Variants in ZNF385D observed in about 807,000 individuals in gnomAD.
The protein encoded by ZNF385D is zinc finger protein 659.
A neutral mutation model predicts 35.8 loss-of-function variants in ZNF385D; 15 were observed. That is an observed-to-expected ratio of 0.42 (90% confidence interval 0.28 to 0.64). The LOEUF (loss-of-function observed/expected upper bound fraction) is 0.64. ZNF385D is among the 30% of genes least tolerant of loss of function. The pLI, the probability that ZNF385D is intolerant of heterozygous loss-of-function variation, is 0.23. For missense variants in ZNF385D, 474 were observed against 494.6 expected, an observed-to-expected ratio of 0.96 and a Z score of 0.39; for synonymous variants, 212 against 186.8, an observed-to-expected ratio of 1.13 and a Z score of -1.10.
intron 3 of ZNF385D, among the ~76,000 whole-genome samples, chr3:21,800,636 A>G (rs2072354002): frequency 6.6e-6 from 1 of 152,120 alleles, no homozygotes; most frequent in Non-Finnish European, 1.5e-5. Flanking sequence ...TTAAAAAACA[A>G]TTTATTTCCA....
At chr3:21,579,134 C>G (rs1045061206) in intron 2 of ZNF385D, 1 of 152,092 alleles carries the variant, frequency 6.6e-6, no homozygotes, top group Non-Finnish European at 1.5e-5. Flanking sequence ...TCAGGTTTCT[C>G]GATGTTTATG....
At position 22,306,328 on chromosome 3, in the gene ZNF385D, T is replaced by C. The variant is rs373135265; in HGVS notation, c.106+66122A>G. Among the ~76,000 whole-genome samples the C allele has an allele frequency of 1.8e-4, 28 of 151,828 alleles. 1 individual carries two copies. In the East Asian group the frequency reaches 2.7e-3, roughly 15 times the overall value. On this transcript the variant is annotated intron_variant, in intron 2 of 5. Coordinates refer to the ZNF385D transcript ENST00000494108. ...ATAGGGTAAACCTTTCTCTGTCTTG[T>C]GGTTAAAAAAAGTCTTTTTTTTTTC... is the stretch of plus-strand genomic sequence containing the variant.
chr3:21,569,796 A>G (rs911436848), intron 2 of ZNF385D, among the ~76,000 whole-genome samples: 2 of 150,746 alleles, frequency 1.3e-5, no homozygotes, highest in African/African-American at 2.4e-5. Flanking sequence ...TTCTCAGTAA[A>G]CTATCGCAAG....
chr3:21,424,599 C>T (rs974506480), intron 6 of ZNF385D, among the ~76,000 whole-genome samples: 2 of 150,980 alleles, frequency 1.3e-5, no homozygotes, highest in Non-Finnish European at 2.9e-5. Context: ...AGGCGTGAGC[C>T]ACTGCGCCCA....
intron 2 of ZNF385D, among the ~76,000 whole-genome samples, chr3:21,664,683 A>G (rs951023867): frequency 6.6e-6 from 1 of 152,190 alleles, no homozygotes; most frequent in African/African-American, 2.4e-5. Flanking sequence ...AATCGGATCG[A>G]ATCTCTTTTT....
chr3:22,091,570 T>C (rs1011327078), intron 3 of ZNF385D, among the ~76,000 whole-genome samples: 7 of 147,152 alleles, frequency 4.8e-5, no homozygotes, highest in South Asian at 2.2e-4. Context: ...GCCAGAGTTA[T>C]TGTTTTATCT....
Position 21,516,885 on chromosome 3 carries a change from G to C in ZNF385D, c.277-5862C>G, listed in dbSNP as rs79502660. Among the ~76,000 whole-genome samples the C allele has an allele frequency of 1.2e-3, 187 of 151,842 alleles. 1 individual carries two copies. The East Asian group carries it at 0.034, about 28-fold the overall frequency. ...AATGTAACACCAGAAAAGAAAAAATGAATGGTTATTAGAGATGTCACCATC... is the reference window on the plus strand; with the variant it reads ...AATGTAACACCAGAAAAGAAAAAATCAATGGTTATTAGAGATGTCACCATC... On this transcript the variant is annotated intron_variant, in intron 3 of 7. Transcript: ENST00000281523.
intron 3 of ZNF385D, among the ~76,000 whole-genome samples, chr3:21,516,366 C>A (rs1335945469): frequency 6.6e-6 from 1 of 152,074 alleles, no homozygotes; most frequent in Non-Finnish European, 1.5e-5. Flanking sequence ...GTATAAAGAC[C>A]ATTTTGAGCT....
At chr3:21,716,001 T>C (rs1356016727) in intron 1 of ZNF385D, among the ~76,000 whole-genome samples, 1 of 152,164 alleles carries the variant, frequency 6.6e-6, no homozygotes, top group Non-Finnish European at 1.5e-5. Flanking sequence ...TTCATCTATC[T>C]AGTTATTCAA....
At chr3:21,741,268 A>G (rs1483622339) in intron 1 of ZNF385D, among the ~76,000 whole-genome samples, 2 of 152,208 alleles carry the variant, frequency 1.3e-5, no homozygotes, top group Non-Finnish European at 2.9e-5. Flanking sequence ...GGTGCCATAA[A>G]CGAAGTGATT....
intron 4 of ZNF385D, among the ~76,000 whole-genome samples, chr3:21,464,282 G>A (rs1575192952): frequency 6.6e-6 from 1 of 152,192 alleles, no homozygotes; most frequent in Non-Finnish European, 1.5e-5. Flanking sequence ...AATATGTAAT[G>A]TTATATTCTC....
In ZNF385D at chr3:21,429,200, A is replaced by T. The variant is rs548605213; in HGVS notation, c.674-3530T>A. ...ATTTATTAGGTCACAAGATAAATTTAAAAAAAATTTTAAGGAAAAAACCCC... is the reference window on the plus strand; with the variant it reads ...ATTTATTAGGTCACAAGATAAATTTTAAAAAAATTTTAAGGAAAAAACCCC... On this transcript the variant is annotated intron_variant, in intron 5 of 7. Coordinates refer to ENST00000281523, the MANE Select transcript of ZNF385D (RefSeq NM_024697.3). Among the ~76,000 whole-genome samples, 55 of 151,816 alleles carry T rather than the reference A, an allele frequency of 3.6e-4. 1 individual carries two copies. The highest frequency in any genetic ancestry group is 1.0e-3 in the African/African-American group (43 of 41,466).
At chr3:22,368,234 C>G (rs924841624) in intron 2 of ZNF385D, among the ~76,000 whole-genome samples, 4 of 152,124 alleles carry the variant, frequency 2.6e-5, no homozygotes, top group Admixed American at 6.5e-5. Context: ...AAACTGTGTT[C>G]TAGTATACTC....
chr3:21,422,121 A>G (rs1040987124), intron 7 of ZNF385D, among the ~76,000 whole-genome samples: 2 of 152,148 alleles, frequency 1.3e-5, no homozygotes, highest in African/African-American at 4.8e-5. Flanking sequence ...GAATGTTCCC[A>G]TTTGTGGAGT....
At chr3:21,737,618 T>A (rs1476543266) in intron 1 of ZNF385D, among the ~76,000 whole-genome samples, 1 of 152,200 alleles carries the variant, frequency 6.6e-6, no homozygotes, top group Non-Finnish European at 1.5e-5. Flanking sequence ...GTTTTCACTA[T>A]TTATACTTTT....
At chr3:21,966,353 C>A (rs915759519) in intron 3 of ZNF385D, among the ~76,000 whole-genome samples, 1 of 152,168 alleles carries the variant, frequency 6.6e-6, no homozygotes, top group African/African-American at 2.4e-5. Context: ...AGCTAAGGAA[C>A]TAACTTCACC....
In ZNF385D at chr3:21,737,810, C is replaced by T. The variant is rs1050012225; in HGVS notation, c.22+13085G>A. Among the ~76,000 whole-genome samples the T allele has an allele frequency of 1.2e-4, 19 of 152,170 alleles. No homozygotes were observed. In the East Asian group the frequency reaches 2.3e-3, roughly 19 times the overall value. The stretch of plus-strand genomic sequence containing the variant: ...CACATGTGGCACATTGCCTGATGTG[C>T]CCAGGAAGAAGAGAGCAAGAAAGAA... On this transcript the variant is annotated intron_variant, in intron 1 of 7. Coordinates refer to ENST00000281523, the MANE Select transcript of ZNF385D (RefSeq NM_024697.3).
intron 3 of ZNF385D, among the ~76,000 whole-genome samples, chr3:21,997,145 A>C: frequency 6.6e-6 from 1 of 152,200 alleles, no homozygotes; most frequent in African/African-American, 2.4e-5. Flanking sequence ...TGGCACATAT[A>C]AACCATGGAA....
Position 22,072,372 on chromosome 3 carries a change from T to C in ZNF385D, c.325+96445A>G, listed in dbSNP as rs142684055. 9.6e-3 allele frequency among the ~76,000 whole-genome samples: 1,454 copies of C among 152,174 alleles called. 26 individuals are homozygous for C. The highest frequency in any genetic ancestry group is 0.031 in the African/African-American group (1,305 of 41,536). On this transcript the variant is annotated intron_variant, in intron 3 of 5. Transcript: ENST00000494108. ...AAAAAATGTAACCATATTATTAAAC[T>C]ACTCAATGTTTTGGTTATATAAGAG...
Sources: allele counts gnomAD v4.1 joint callset (sites outside exome capture counted in the v4.1 genomes callset), GRCh38; gene constraint gnomAD v4.1.1; transcripts MANE v1.5; gene names NCBI Gene and HGNC (gene_info 2026-07-23, HGNC 2026-07-21).